The following TMEM242 variants were observed in gnomAD, a reference collection of about 807,000 sequenced individuals.
The protein encoded by TMEM242 is transmembrane protein 242, also known as UPF0463 transmembrane protein C6orf35.
Under a neutral mutation model 18.2 loss-of-function variants are expected in TMEM242, and 10 were observed. The ratio of observed to expected loss-of-function variants is 0.55; its 90% confidence interval spans 0.34 to 0.93. The LOEUF (loss-of-function observed/expected upper bound fraction) is 0.93. TMEM242 is among the 40% of genes least tolerant of loss of function. The pLI is 0.02. For synonymous variants in TMEM242, 57 were observed against 69.9 expected, an observed-to-expected ratio of 0.81 and a Z score of 0.92; for missense variants, 186 against 175.5, an observed-to-expected ratio of 1.06 and a Z score of -0.34.
chr6:157,317,521 T>C (rs1172067790), intron 3 of TMEM242, among the ~76,000 whole-genome samples: 1 of 152,216 alleles, frequency 6.6e-6, no homozygotes, highest in Non-Finnish European at 1.5e-5. Flanking sequence ...CTCTTTTCTT[T>C]CAACCTTCAC....
At chr6:157,317,333 C>A (rs1435197538) in intron 3 of TMEM242, among the ~76,000 whole-genome samples, 1 of 152,160 alleles carries the variant, frequency 6.6e-6, no homozygotes, top group Non-Finnish European at 1.5e-5. Context: ...CAGTCCTCAT[C>A]TTACGTAACT....
chr6:157,311,356 A>G, intron 3 of TMEM242, among the ~76,000 whole-genome samples: 1 of 135,492 alleles, frequency 7.4e-6, no homozygotes, highest in South Asian at 2.2e-4. Flanking sequence ...GTGTGCGCTC[A>G]CCTAGCCTCA....
At chr6:157,321,909 T>C (rs1027375245) in intron 2 of TMEM242, among the ~76,000 whole-genome samples, 7 of 152,170 alleles carry the variant, frequency 4.6e-5, no homozygotes, top group Non-Finnish European at 8.8e-5. Context: ...ACAAGGTCCA[T>C]AGCAGTGATT....
chr6:157,323,350 A>T (rs1554250858), intron 1 of TMEM242, 62 bp downstream of exon 1: 2 of 1,561,616 alleles, frequency 1.3e-6, no homozygotes, highest in East Asian at 2.3e-5. Context: ...CCCGCTCCAG[A>T]GCAAGCCAGG....
intron 3 of TMEM242, among the ~76,000 whole-genome samples, chr6:157,310,973 A>G (rs1583564006): frequency 7.2e-6 from 1 of 139,614 alleles, no homozygotes; most frequent in Non-Finnish European, 1.6e-5. Flanking sequence ...GCCTCATCAT[A>G]GTGTCCCAGT....
chr6:157,310,700 T>C (rs1554248399), intron 3 of TMEM242, among the ~76,000 whole-genome samples: 3 of 152,112 alleles, frequency 2.0e-5, no homozygotes, highest in Non-Finnish European at 2.9e-5. Context: ...AGCCTCATCA[T>C]AGTGCCCCAG....
In TMEM242 at chr6:157,292,840, A is replaced by G. The variant is rs1425197776; in HGVS notation, c.*61T>C. On this transcript the variant is annotated 3_prime_UTR_variant, in exon 4 of 4. Coordinates refer to ENST00000400788, the MANE Select transcript of TMEM242 (RefSeq NM_018452.6). ...AATCAGTCCCAGTCCTTTTGCTGTC[A>G]TGGTGTCTCCAGAGCCACCCCTTTC... 7.6e-7 allele frequency: 1 copy of G among 1,319,262 alleles called. No homozygotes were observed. The highest frequency in any genetic ancestry group is 2.3e-5 in the East Asian group (1 of 43,232). 81.7% of individuals were successfully genotyped at this position (1,319,262 alleles called of 1,614,324 possible). A position where few individuals can be genotyped will look rare whatever the true frequency, so the allele number is the denominator to read the frequency against.
At chr6:157,303,309 A>G (rs1554247654) in intron 3 of TMEM242, among the ~76,000 whole-genome samples, 1 of 152,228 alleles carries the variant, frequency 6.6e-6, no homozygotes, top group East Asian at 1.9e-4. Flanking sequence ...GCGGGGCCAC[A>G]GACCCCATCT....
In TMEM242 at chr6:157,289,398, C is replaced by T. The variant is rs587727327; in HGVS notation, c.*3503G>A. The T allele has an allele frequency of 2.0e-5, 3 of 152,290 alleles. No homozygotes were observed. The South Asian group carries it at 6.2e-4, about 32-fold the overall frequency. The allele number at this position is 152,290 out of a possible 1,614,324, so 9.4% of individuals were successfully genotyped here. A position where few individuals can be genotyped will look rare whatever the true frequency, so the allele number is the denominator to read the frequency against. On this transcript the variant is annotated 3_prime_UTR_variant, in exon 4 of 4. Transcript: ENST00000400788. Reference sequence around the variant, plus strand: ...AGAGAGACCCAAATACTTGCTATATCATTTAATGACTCTTGGCAGAAAGCA... The same window carrying T: ...AGAGAGACCCAAATACTTGCTATATTATTTAATGACTCTTGGCAGAAAGCA...
At chr6:157,302,546 GA>G (rs1277801950) in intron 3 of TMEM242, among the ~76,000 whole-genome samples, 8 of 151,828 alleles carry the variant, frequency 5.3e-5, no homozygotes, top group East Asian at 3.9e-4. Flanking sequence ...TCTTGAGGGG[GA>G]AAAAAAACTG....
chr6:157,295,420 C>T (rs587718186), intron 3 of TMEM242, among the ~76,000 whole-genome samples: 2 of 152,328 alleles, frequency 1.3e-5, no homozygotes, highest in Non-Finnish European at 2.9e-5. Flanking sequence ...GGTTCTTTCT[C>T]TTCACTCTTC....
Position 157,296,561 on chromosome 6 carries a change from T to C in TMEM242, c.328-3562A>G, listed in dbSNP as rs184279921. Among the ~76,000 whole-genome samples the C allele has an allele frequency of 4.8e-3, 734 of 152,306 alleles. 5 individuals carry two copies. Among genetic ancestry groups the C allele is most frequent in the Non-Finnish European group, 8.0e-3 (542 of 68,022 alleles). On this transcript the variant is annotated intron_variant, in intron 3 of 3. Coordinates refer to ENST00000400788, the MANE Select transcript of TMEM242 (RefSeq NM_018452.6). ...AGCCAGGCATGGTGGCGCACGCCTG[T>C]AGCCCCAGCTACTCAGGAAGCTGGG...
rs587690512 is a variant in TMEM242, at chr6:157,312,736, G to A, written c.327+6046C>T. 2.0e-3 allele frequency among the ~76,000 whole-genome samples: 177 copies of A among 88,250 alleles called. 1 individual carries two copies. The highest frequency in any genetic ancestry group is 7.4e-3 in the African/African-American group (165 of 22,212). The allele number at this position is 88,250 out of a possible 152,430, so 57.9% of individuals were successfully genotyped here. A position where few individuals can be genotyped will look rare whatever the true frequency, so the allele number is the denominator to read the frequency against. On this transcript the variant is annotated intron_variant, in intron 3 of 3. Transcript: ENST00000400788. ...CCTGGCCTCATCTTACTGTCCCAGT[G>A]TGCGCTCACCTGGCCTCATCTTACT...
At chr6:157,299,304 C>A (rs1376527274) in intron 3 of TMEM242, 2 of 813,178 alleles carry the variant, frequency 2.5e-6, no homozygotes, top group Non-Finnish European at 4.4e-6. Flanking sequence ...CTCATAGGCA[C>A]TAGCAATCAC....
chr6:157,318,903 G>A lies in TMEM242; in HGVS notation c.206C>T (p.Ala69Val), dbSNP rs1157611265. ...GGAAGACCCGCTTTCCGGTAATGCA[G>A]CCGTGGCCATACTTCCCTGAAATGA... ...EWFNKGSMATAALPESGSSLA... is the reference protein window; with the variant it reads ...EWFNKGSMATVALPESGSSLA... Residue 69 changes from alanine to valine, a missense_variant, in exon 3 of 4, where the codon GCT becomes GTT. Coordinates refer to ENST00000400788, the MANE Select transcript of TMEM242 (RefSeq NM_018452.6). The A allele has an allele frequency of 1.2e-6, 2 of 1,605,990 alleles. No individual in the cohort carries two copies. Among genetic ancestry groups the A allele is most frequent in the Non-Finnish European group, 8.5e-7 (1 of 1,177,176 alleles).
At chr6:157,310,850 G>T (rs1554248479) in intron 3 of TMEM242, among the ~76,000 whole-genome samples, 13 of 97,344 alleles carry the variant, frequency 1.3e-4, no homozygotes, top group East Asian at 4.4e-4. Context: ...GTCCCAGTGT[G>T]CACTCACCTA....
In TMEM242 at chr6:157,291,839, T is replaced by C. The variant is rs1032665382; in HGVS notation, c.*1062A>G. 7 of 152,370 alleles carry C rather than the reference T, an allele frequency of 4.6e-5. No homozygotes were observed. The highest frequency in any genetic ancestry group is 7.3e-5 in the Non-Finnish European group (5 of 68,040). The allele number at this position is 152,370 out of a possible 1,614,324, so 9.4% of individuals were successfully genotyped here. On this transcript the variant is annotated 3_prime_UTR_variant, in exon 4 of 4. Coordinates refer to ENST00000400788, the MANE Select transcript of TMEM242 (RefSeq NM_018452.6). Reference sequence around the variant, plus strand: ...TAGAGCCTAGGCAAGTAGGAAGAAATTGCACAACTGATATTTAACTACAGG... The same window carrying C: ...TAGAGCCTAGGCAAGTAGGAAGAAACTGCACAACTGATATTTAACTACAGG...
intron 3 of TMEM242, chr6:157,299,998 C>CA (rs1327598680): frequency 2.2e-6 from 3 of 1,347,414 alleles, no homozygotes; most frequent in Non-Finnish European, 3.2e-6. Flanking sequence ...GCTCACTCTT[C>CA]ACGGGGGTGA....
Position 157,292,928 on chromosome 6 carries a change from C to T in TMEM242, c.399G>A (p.Glu133=). ...TIPKNSESAV[E]WEETLKSK ...ATTTGGATTTCAATGTTTCCTCCCA[C>T]TCAACAGCCGATTCGGAGTTCTTGG... Residue 133 remains glutamate, a synonymous_variant, in exon 4 of 4, where the codon GAG becomes GAA. Coordinates refer to ENST00000400788, the MANE Select transcript of TMEM242 (RefSeq NM_018452.6). The T allele has an allele frequency of 6.2e-7, 1 of 1,613,596 alleles. No homozygotes were observed. Among genetic ancestry groups the T allele is most frequent in the Non-Finnish European group, 8.5e-7 (1 of 1,179,594 alleles).
Sources: gnomAD v4.1 joint callset for allele counts (sites outside exome capture counted in the v4.1 genomes callset) on GRCh38, gnomAD v4.1.1 for gene constraint, MANE v1.5 for transcripts, NCBI Gene and HGNC (gene_info 2026-07-23, HGNC 2026-07-21) for gene names.